Variants in TRIM41 observed in about 807,000 individuals in gnomAD.
TRIM41 encodes the protein tripartite motif containing 41.
A neutral mutation model predicts 60.6 loss-of-function variants in TRIM41; 21 were observed. The observed-to-expected ratio is 0.35, with a 90% CI of 0.25 to 0.50. The LOEUF (loss-of-function observed/expected upper bound fraction) is 0.50. Ranked by LOEUF, TRIM41 falls within the 20% of genes least tolerant of loss-of-function variation. TRIM41 has a pLI of 0.98. For synonymous variants in TRIM41, 407 were observed against 344.9 expected, an observed-to-expected ratio of 1.18 and a Z score of -2.00; for missense variants, 846 against 868.3, an observed-to-expected ratio of 0.97 and a Z score of 0.32.
rs1758374427 is a variant in TRIM41, at chr5:181,223,441, C to T, written c.-559C>T. On this transcript the variant is annotated 5_prime_UTR_variant, in exon 1 of 6. Coordinates refer to ENST00000315073, the MANE Select transcript of TRIM41 (RefSeq NM_033549.5). ...CCCAGCGGCGGGGGATGGGGGTAGG[C>T]GGTTCCTCTGTTCTTTCTGCGTTCC... 2.5e-6 allele frequency: 1 copy of T among 400,736 alleles called. No homozygotes were observed. Among genetic ancestry groups the T allele is most frequent in the Non-Finnish European group, 4.4e-6 (1 of 227,390 alleles). 24.8% of individuals were successfully genotyped at this position (400,736 alleles called of 1,614,324 possible).
At position 181,233,582 on chromosome 5, in the gene TRIM41, T is replaced by G. The variant is rs1432603515; in HGVS notation, c.1164-54T>G. The stretch of plus-strand genomic sequence containing the variant: ...TCCTCTCCTTCCCCTCAGCTTTTGC[T>G]TTTCCCTCTGGGAATATCGTGGTCC... On this transcript the variant is annotated intron_variant, in intron 4 of 5. Transcript: ENST00000315073. This position sits in a 1 kb window ranked among gnomAD's most constrained non-coding sequence, Gnocchi z 4.1. 1 of 1,610,928 alleles carries G rather than the reference T, an allele frequency of 6.2e-7. No individual in the cohort carries two copies. Among genetic ancestry groups the G allele is most frequent in the Non-Finnish European group, 8.5e-7 (1 of 1,177,694 alleles).
chr5:181,234,245 C>T lies in TRIM41; in HGVS notation c.1363C>T (p.Leu455=). ...GTCCCCTGACCGCCGGGGGGTCCGC[C>T]TGGCAGAGCGGCGGCAGGAGGTTGC... ...MLSPDRRGVR[L]AERRQEVADH... is the part of the protein sequence containing the mutation. The change falls in exon 6 of 6, where the codon CTG becomes TTG. Residue 455 remains leucine (L), a synonymous_variant. Coordinates refer to ENST00000315073, the MANE Select transcript of TRIM41 (RefSeq NM_033549.5). The surrounding 1 kb of genome is among the most constrained non-coding windows in gnomAD (Gnocchi z 5.6). 2 of 1,613,336 alleles carry T rather than the reference C, an allele frequency of 1.2e-6. No homozygotes were observed. The highest frequency in any genetic ancestry group is 1.7e-6 in the Non-Finnish European group (2 of 1,179,960).
chr5:181,235,604 C>A lies in TRIM41; in HGVS notation c.*829C>A. The A allele has an allele frequency of 1.5e-6, 1 of 656,692 alleles. No homozygotes were observed. Among genetic ancestry groups the A allele is most frequent in the Non-Finnish European group, 2.6e-6 (1 of 389,048 alleles). 40.7% of individuals were successfully genotyped at this position (656,692 alleles called of 1,614,324 possible). On this transcript the variant is annotated 3_prime_UTR_variant, in exon 6 of 6. Transcript: ENST00000315073. ...TCTCCCAGCCCCTTTCCATGCCTTT[C>A]ACTCCATTTGGCAAGCTCTGAGGGG...
chr5:181,235,060 GCC>G lies in TRIM41; in HGVS notation c.*287_*288del. 1 of 1,611,680 alleles carries G rather than the reference GCC, an allele frequency of 6.2e-7. No individual in the cohort carries two copies. The highest frequency in any genetic ancestry group is 1.1e-5 in the South Asian group (1 of 90,742). ...CTTCTCTCCCAGTCTGCCTAGCCCA[GCC>G]CTGGGACTGGAATTTGAGTAGGGGA... On this transcript the variant is annotated 3_prime_UTR_variant, in exon 6 of 6. Transcript: ENST00000315073.
chr5:181,223,757 C>T lies in TRIM41; in HGVS notation c.-243C>T, dbSNP rs1475232380. On this transcript the variant is annotated 5_prime_UTR_variant, in exon 1 of 6. Coordinates refer to ENST00000315073, the MANE Select transcript of TRIM41 (RefSeq NM_033549.5). ...GGGGCAGACTTGTACTCAGAGCCAC[C>T]TGAGGGACTTGGCGGTGGCGCCCAG... 30 of 597,710 alleles carry T rather than the reference C, an allele frequency of 5.0e-5. No homozygotes were observed. Among genetic ancestry groups the T allele is most frequent in the Non-Finnish European group, 8.0e-5 (27 of 336,128 alleles). The allele number at this position is 597,710 out of a possible 1,614,324, so 37.0% of individuals were successfully genotyped here. A position where few individuals can be genotyped will look rare whatever the true frequency, so the allele number is the denominator to read the frequency against.
chr5:181,233,743 T>C lies in TRIM41; in HGVS notation c.1271T>C (p.Met424Thr), dbSNP rs1350465170. Residue 424 changes from methionine (M) to threonine (T), a missense_variant, in exon 5 of 6, where the codon ATG becomes ACG. Coordinates refer to ENST00000315073, the MANE Select transcript of TRIM41 (RefSeq NM_033549.5). This position sits in a 1 kb window ranked among gnomAD's most constrained non-coding sequence, Gnocchi z 4.1. ...GCCATCGTGAGGAAAATGAGCCGGA[T>C]GTTCTGTCAGGCTGCGAGAGGTAGG... is the stretch of plus-strand genomic sequence containing the variant. ...TDAIVRKMSR[M>T]FCQAARVDLT... 4 of 1,614,020 alleles carry C rather than the reference T, an allele frequency of 2.5e-6. No homozygotes were observed. Among genetic ancestry groups the C allele is most frequent in the Non-Finnish European group, 3.4e-6 (4 of 1,180,038 alleles).
intron 2 of TRIM41, chr5:181,232,303 T>A (rs1758837609): frequency 4.0e-6 from 1 of 252,694 alleles, no homozygotes. Flanking sequence ...CAATATTATA[T>A]GTGCCACAGA....
Position 181,233,124 on chromosome 5 carries a change from G to A in TRIM41, c.1140+235G>A. 2 of 715,844 alleles carry A rather than the reference G, an allele frequency of 2.8e-6. No homozygotes were observed. Among genetic ancestry groups the A allele is most frequent in the African/African-American group, 1.7e-5 (1 of 57,608 alleles). The allele number at this position is 715,844 out of a possible 1,614,324, so 44.3% of individuals were successfully genotyped here. A position where few individuals can be genotyped will look rare whatever the true frequency, so the allele number is the denominator to read the frequency against. On this transcript the variant is annotated intron_variant, in intron 3 of 5. Transcript: ENST00000315073. The surrounding 1 kb of genome is among the most constrained non-coding windows in gnomAD (Gnocchi z 4.1). ...ATTCGGTTGTAGGAGAGGTTTAAATGACAGTTGAGGAAAGTCTTTTTGACA... is the reference window on the plus strand; with the variant it reads ...ATTCGGTTGTAGGAGAGGTTTAAATAACAGTTGAGGAAAGTCTTTTTGACA...
At chr5:181,229,749 T>C (rs112739547) in intron 1 of TRIM41, 6 of 152,360 alleles carry the variant, frequency 3.9e-5, no homozygotes, top group African/African-American at 1.4e-4. Flanking sequence ...GTATTAGATA[T>C]TTCTTGGGAT....
intron 1 of TRIM41, chr5:181,228,933 C>CAAAAAAAAAA (rs34347124): frequency 2.9e-5 from 1 of 35,028 alleles, no homozygotes; most frequent in African/African-American, 8.5e-5. Flanking sequence ...GACTCTGTCT[C>CAAAAAAAAAA]AAAAAAAAAA....
At position 181,234,830 on chromosome 5, in the gene TRIM41, A is replaced by AG. The variant is rs1330387923; in HGVS notation, c.*58dup. 144 of 1,606,278 alleles carry AG rather than the reference A, an allele frequency of 9.0e-5. No individual in the cohort carries two copies. Among genetic ancestry groups the AG allele is most frequent in the Non-Finnish European group, 1.1e-4 (135 of 1,176,188 alleles). On this transcript the variant is annotated 3_prime_UTR_variant, in exon 6 of 6. Coordinates refer to ENST00000315073, the MANE Select transcript of TRIM41 (RefSeq NM_033549.5). The surrounding 1 kb of genome is among the most constrained non-coding windows in gnomAD (Gnocchi z 5.6). ...TCAGCACTTGGGGGGTGGGTGGTGG[A>AG]GGGTGGCCCGTAAGTTTGAGGGCTC...
chr5:181,224,194 G>A lies in TRIM41; in HGVS notation c.195G>A (p.Glu65=), dbSNP rs753088135. The A allele has an allele frequency of 7.4e-6, 12 of 1,613,574 alleles. No homozygotes were observed. In the Admixed American group the frequency reaches 1.8e-4, roughly 25 times the overall value. The change falls in exon 1 of 6, where the codon GAG becomes GAA. Residue 65 remains glutamate, a synonymous_variant. Transcript: ENST00000315073. ...ATGAGTTAGATCGGGAGGAGGAGGA[G>A]GAGGACGGAGAGGAGGAGGAAGTGG... is the stretch of plus-strand genomic sequence containing the variant. ...DRDELDREEE[E]EDGEEEEVEA... is the part of the protein sequence containing the mutation.
At position 181,234,840 on chromosome 5, in the gene TRIM41, G is replaced by A. The variant is rs369391657; in HGVS notation, c.*65G>A. The A allele has an allele frequency of 3.0e-5, 49 of 1,606,842 alleles. No individual in the cohort carries two copies. Among genetic ancestry groups the A allele is most frequent in the South Asian group, 9.9e-5 (9 of 90,602 alleles). ...GGGGGTGGGTGGTGGAGGGTGGCCC[G>A]TAAGTTTGAGGGCTCAAAGGCTCTT... On this transcript the variant is annotated 3_prime_UTR_variant, in exon 6 of 6. Transcript: ENST00000315073. This position sits in a 1 kb window ranked among gnomAD's most constrained non-coding sequence, Gnocchi z 5.6.
intron 2 of TRIM41, chr5:181,232,283 C>T (rs1758836812): frequency 1.8e-5 from 4 of 220,168 alleles, no homozygotes; most frequent in Non-Finnish European, 3.6e-5. Flanking sequence ...GTCATTTAAA[C>T]ACAACGTTTC....
chr5:181,233,421 G>T lies in TRIM41; in HGVS notation c.1149G>T (p.Lys383Asn). Residue 383 changes from lysine (K) to asparagine (N), a missense_variant, in exon 4 of 6, where the codon AAG (lysine) becomes AAT (asparagine). Lys to Asn is a moderately conservative substitution (Grantham distance 94). Transcript: ENST00000315073. This position sits in a 1 kb window ranked among gnomAD's most constrained non-coding sequence, Gnocchi z 4.1. ...QGGLRLLQDI[K>N]ETFNRCEEVQ... The stretch of plus-strand genomic sequence containing the variant: ...GTTTCTCTTATTCCCAGGACATCAA[G>T]GAGACTTTCAATAGGTGTGTTCCCA... 6.2e-7 allele frequency: 1 copy of T among 1,614,042 alleles called. No homozygotes were observed.
Position 181,233,614 on chromosome 5 carries a change from C to CT in TRIM41, c.1164-21dup. 1.2e-6 allele frequency: 2 copies of CT among 1,613,538 alleles called. No homozygotes were observed. Among genetic ancestry groups the CT allele is most frequent in the Non-Finnish European group, 8.5e-7 (1 of 1,179,536 alleles). ...TCTGGGAATATCGTGGTCCCACCCC[C>CT]TGCCCGGTCCCCTTCCTCCAGGTGT... On this transcript the variant is annotated intron_variant, in intron 4 of 5. Transcript: ENST00000315073. The surrounding 1 kb of genome is among the most constrained non-coding windows in gnomAD (Gnocchi z 4.1).
intron 1 of TRIM41, chr5:181,229,675 G>A (rs1758708408): frequency 6.6e-6 from 1 of 152,248 alleles, no homozygotes. Context: ...TAAGTAGAGT[G>A]TGGGCAGGGA....
chr5:181,233,237 C>A lies in TRIM41; in HGVS notation c.1141-176C>A. On this transcript the variant is annotated intron_variant, in intron 3 of 5. Coordinates refer to ENST00000315073, the MANE Select transcript of TRIM41 (RefSeq NM_033549.5). This position sits in a 1 kb window ranked among gnomAD's most constrained non-coding sequence, Gnocchi z 4.1. The stretch of plus-strand genomic sequence containing the variant: ...GCAGGATGAGGCGAGTTAGGTATGG[C>A]GAGGCATGGGGTGGTTGAAATGGAT... 2 of 775,334 alleles carry A rather than the reference C, an allele frequency of 2.6e-6. No homozygotes were observed. The highest frequency in any genetic ancestry group is 4.6e-6 in the Non-Finnish European group (2 of 435,690). 48.0% of individuals were successfully genotyped at this position (775,334 alleles called of 1,614,324 possible). A position where few individuals can be genotyped will look rare whatever the true frequency, so the allele number is the denominator to read the frequency against.
chr5:181,235,525 C>A lies in TRIM41; in HGVS notation c.*750C>A. On this transcript the variant is annotated 3_prime_UTR_variant, in exon 6 of 6. Coordinates refer to ENST00000315073, the MANE Select transcript of TRIM41 (RefSeq NM_033549.5). The stretch of plus-strand genomic sequence containing the variant: ...AAGCTCATCCCACCCCACACCCCTC[C>A]CAGGTCTGCTCACTGCCAGGCTCCT... The A allele has an allele frequency of 8.0e-7, 1 of 1,251,134 alleles. No individual in the cohort carries two copies. Among genetic ancestry groups the A allele is most frequent in the East Asian group, 2.5e-5 (1 of 39,360 alleles). The allele number at this position is 1,251,134 out of a possible 1,614,324, so 77.5% of individuals were successfully genotyped here. A position where few individuals can be genotyped will look rare whatever the true frequency, so the allele number is the denominator to read the frequency against.
Sources: gnomAD v4.1 joint callset for allele counts on GRCh38, gnomAD v4.1.1 for gene constraint, Gnocchi (gnomAD v3.1) non-coding constraint, MANE v1.5 for transcripts, NCBI Gene and HGNC (gene_info 2026-07-23, HGNC 2026-07-21) for gene names.